Variants in NAV3 observed in about 807,000 individuals in gnomAD.
The protein encoded by NAV3 is pore membrane and/or filament interacting like protein 1.
In NAV3, 87 loss-of-function variants were observed where a neutral mutation model predicts 244.7. The ratio of observed to expected loss-of-function variants is 0.36; its 90% CI spans 0.30 to 0.42. NAV3 has a LOEUF of 0.42. Among genes scored for constraint, NAV3 ranks in the 20% least tolerant of loss-of-function variants. The probability of loss-of-function intolerance (pLI) is 1.00; values close to 1 mark genes in which losing one functional copy is unlikely to be tolerated. For synonymous variants in NAV3, 1,126 were observed against 1,042.2 expected (o/e 1.08, Z -1.55); for missense variants, 2,663 against 2,893.3 (o/e 0.92, Z 1.83).
At chr12:77,871,186 A>T (rs769435066) in intron 1 of NAV3, among the ~76,000 whole-genome samples, 6 of 152,224 alleles carry the variant, frequency 3.9e-5, no homozygotes, top group Non-Finnish European at 5.9e-5. Context: ...ATTCCAATAG[A>T]GATCTAAAAG....
intron 2 of NAV3, among the ~76,000 whole-genome samples, chr12:77,663,443 T>C (rs898304743): frequency 6.6e-6 from 1 of 150,912 alleles, no homozygotes; most frequent in Non-Finnish European, 1.5e-5. Flanking sequence ...CAAAAAGATA[T>C]AACCTGCAAA....
intron 1 of NAV3, among the ~76,000 whole-genome samples, chr12:77,833,118 C>T (rs1874001452): frequency 6.6e-6 from 1 of 152,054 alleles, no homozygotes; most frequent in Admixed American, 6.5e-5. Context: ...ATTCCTCCTT[C>T]CCAATTCTTT....
intron 2 of NAV3, among the ~76,000 whole-genome samples, chr12:77,654,785 CAT>C (rs375444740): frequency 0.16 from 24,199 of 147,082 alleles, 2,697 homozygotes; most frequent in African/African-American, 0.31. Context: ...CAGACAGCAG[CAT>C]ATTCGCGGTT....
At chr12:77,595,308 T>C (rs1870117804) in intron 2 of NAV3, among the ~76,000 whole-genome samples, 1 of 152,128 alleles carries the variant, frequency 6.6e-6, no homozygotes, top group Non-Finnish European at 1.5e-5. Flanking sequence ...AGACAAATAC[T>C]GCATGATCTC....
chr12:77,580,980 A>T (rs696443), intron 2 of NAV3, among the ~76,000 whole-genome samples: 11,458 of 152,228 alleles, frequency 0.075, 474 homozygotes, highest in Middle Eastern at 0.16. Flanking sequence ...TTCCCCTGCC[A>T]TACTTCTCCA....
chr12:77,963,727 A>G (rs1892240380), intron 3 of NAV3, among the ~76,000 whole-genome samples: 1 of 152,190 alleles, frequency 6.6e-6, no homozygotes, highest in Non-Finnish European at 1.5e-5. Context: ...CTCATAATGA[A>G]TGACTATAAA....
intron 5 of NAV3, among the ~76,000 whole-genome samples, chr12:77,976,955 G>A (rs770863408): frequency 4.6e-5 from 7 of 152,144 alleles, no homozygotes; most frequent in South Asian, 2.1e-4. Flanking sequence ...GATTACAGGC[G>A]TGAGCCACCA....
chr12:77,904,716 G>A (rs1046077978), intron 1 of NAV3, among the ~76,000 whole-genome samples: 2 of 152,036 alleles, frequency 1.3e-5, no homozygotes, highest in African/African-American at 4.8e-5. Context: ...AGCTAACAGG[G>A]AACAGAAGGA....
At chr12:77,928,593 G>A (rs1049803845) in intron 1 of NAV3, among the ~76,000 whole-genome samples, 1 of 152,090 alleles carries the variant, frequency 6.6e-6, no homozygotes, top group South Asian at 2.1e-4. Flanking sequence ...TGGCAGGTTT[G>A]ATTTGACTAT....
intron 9 of NAV3, among the ~76,000 whole-genome samples, chr12:78,031,831 C>T (rs1412197279): frequency 1.3e-5 from 2 of 151,314 alleles, no homozygotes; most frequent in African/African-American, 4.9e-5. Context: ...CACATGTATA[C>T]ATATGTAACT....
rs544857475 is a variant in NAV3 at position 77,899,627 on chromosome 12, G to T, written c.244-40692G>T. Among the ~76,000 whole-genome samples, 44 of 152,294 alleles carry T rather than the reference G, an allele frequency of 2.9e-4. 1 individual carries two copies. In the South Asian group the frequency reaches 8.5e-3, roughly 29 times the overall value. ...TACATGAGGTAGAAAACTAAAAATT[G>T]TGTGACTTGCTTTATTGCACTATTT... On this transcript the variant is annotated intron_variant, in intron 1 of 39. Coordinates refer to ENST00000397909, the MANE Select transcript of NAV3 (RefSeq NM_001024383.2).
intron 2 of NAV3, among the ~76,000 whole-genome samples, chr12:77,729,352 A>G (rs1019493517): frequency 2.6e-5 from 4 of 152,024 alleles, no homozygotes; most frequent in Admixed American, 6.6e-5. Context: ...AGGAAGGCAT[A>G]GAAGCCTGAT....
intron 24 of NAV3, among the ~76,000 whole-genome samples, chr12:78,169,554 C>T (rs765383809): frequency 1.3e-5 from 2 of 151,642 alleles, no homozygotes; most frequent in Non-Finnish European, 3.0e-5. Context: ...TTTTCAATGG[C>T]CTTCAGTGAG....
At chr12:77,958,109 C>G (rs1891542817) in intron 3 of NAV3, among the ~76,000 whole-genome samples, 4 of 152,272 alleles carry the variant, frequency 2.6e-5, no homozygotes, top group African/African-American at 9.6e-5. Flanking sequence ...AATTCTTCCT[C>G]TTCTCATCTG....
At chr12:78,179,388 T>A in intron 28 of NAV3, 141 bp from the exon 29 acceptor site, 1 of 871,360 alleles carries the variant, frequency 1.1e-6, no homozygotes. Context: ...AAACTCCTTC[T>A]CCTTTTCTCT....
At chr12:78,023,183 T>A (rs1409836539) in intron 9 of NAV3, among the ~76,000 whole-genome samples, 1 of 152,344 alleles carries the variant, frequency 6.6e-6, no homozygotes, top group African/African-American at 2.4e-5. Flanking sequence ...ATCTTTAGGA[T>A]AAATGAATTT....
intron 23 of NAV3, among the ~76,000 whole-genome samples, chr12:78,166,941 A>G (rs1957803866): frequency 6.6e-6 from 1 of 151,806 alleles, no homozygotes; most frequent in Non-Finnish European, 1.5e-5. Flanking sequence ...ATTTAAGGAT[A>G]AAAACCTGAT....
At chr12:78,058,072 G>T (rs1489602816) in intron 11 of NAV3, among the ~76,000 whole-genome samples, 1 of 152,164 alleles carries the variant, frequency 6.6e-6, no homozygotes, top group Non-Finnish European at 1.5e-5. Context: ...GATCACTTTA[G>T]ATTCTCTGTG....
At position 77,800,032 on chromosome 12, in the gene NAV3, C is replaced by A. The variant is rs576902159; in HGVS notation, c.73-140287C>A. ...TGTATCATTTTCACCATAGCATCTA[C>A]TTGCTTTCATAAAGATATAACTTAG... On this transcript the variant is annotated intron_variant, in intron 2 of 8. Transcript: ENST00000550042. Among the ~76,000 whole-genome samples the A allele has an allele frequency of 5.3e-5, 8 of 152,240 alleles. No individual in the cohort carries two copies. The South Asian group carries it at 1.7e-3, about 32-fold the overall frequency.
Sources: allele counts gnomAD v4.1 joint callset (sites outside exome capture counted in the v4.1 genomes callset), GRCh38; gene constraint gnomAD v4.1.1; transcripts MANE v1.5; gene names NCBI Gene and HGNC (gene_info 2026-07-23, HGNC 2026-07-21).